Variants in GABRB2 observed in about 807,000 individuals in gnomAD.
GABRB2 encodes the protein gamma-aminobutyric acid receptor subunit beta-2.
In GABRB2, 16 loss-of-function variants were observed where a neutral mutation model predicts 54.7. The ratio of observed to expected loss-of-function variants is 0.29; its 90% CI spans 0.20 to 0.44. The LOEUF is 0.44. Ranked by LOEUF, GABRB2 falls within the 20% of genes least tolerant of loss-of-function variation. GABRB2 has a pLI of 1.00. For synonymous variants in GABRB2, 244 were observed against 233.8 expected (o/e 1.04, Z -0.40); for missense variants, 355 against 644.0 (o/e 0.55, Z 4.86).
At chr5:161,499,719 T>A (rs1184148182) in intron 3 of GABRB2, among the ~76,000 whole-genome samples, 1 of 152,194 alleles carries the variant, frequency 6.6e-6, no homozygotes, top group African/African-American at 2.4e-5. Context: ...CTGGATAGAC[T>A]GGATAAAATA....
intron 5 of GABRB2, among the ~76,000 whole-genome samples, chr5:161,405,047 T>C (rs1033141202): frequency 1.3e-5 from 2 of 152,124 alleles, no homozygotes; most frequent in Admixed American, 1.3e-4. Flanking sequence ...AAATTGCCTT[T>C]TGGCATCTTT....
chr5:161,534,426 T>C (rs573041824), intron 3 of GABRB2, among the ~76,000 whole-genome samples: 21 of 152,186 alleles, frequency 1.4e-4, no homozygotes, highest in Non-Finnish European at 2.5e-4. Context: ...AAAAATACTT[T>C]CTCTGACTTA....
At chr5:161,519,353 C>A (rs1238348353) in intron 3 of GABRB2, among the ~76,000 whole-genome samples, 2 of 152,152 alleles carry the variant, frequency 1.3e-5, no homozygotes, top group African/African-American at 2.4e-5. Flanking sequence ...TACATTAAGG[C>A]ATTACCCCTT....
chr5:161,505,559 A>C (rs1175046131), intron 3 of GABRB2, among the ~76,000 whole-genome samples: 1 of 152,224 alleles, frequency 6.6e-6, no homozygotes, highest in Non-Finnish European at 1.5e-5. Context: ...TATTTACAAA[A>C]AAATTAATAA....
intron 3 of GABRB2, among the ~76,000 whole-genome samples, chr5:161,499,577 A>G (rs1759363457): frequency 6.6e-6 from 1 of 152,234 alleles, no homozygotes; most frequent in Non-Finnish European, 1.5e-5. Context: ...CACCAATACC[A>G]TACTTGTTAA....
At chr5:161,360,673 T>C (rs917000710) in intron 5 of GABRB2, among the ~76,000 whole-genome samples, 1 of 152,160 alleles carries the variant, frequency 6.6e-6, no homozygotes, top group Non-Finnish European at 1.5e-5. Context: ...AATGAGAATA[T>C]GACCATTCTC....
At chr5:161,312,598 G>A (rs188968612) in intron 9 of GABRB2, among the ~76,000 whole-genome samples, 98 of 152,248 alleles carry the variant, frequency 6.4e-4, no homozygotes, top group Non-Finnish European at 1.1e-3. Context: ...GAATGAATAC[G>A]TTACTTTTCT....
At chr5:161,376,339 T>A (rs927625751) in intron 5 of GABRB2, among the ~76,000 whole-genome samples, 4 of 152,114 alleles carry the variant, frequency 2.6e-5, no homozygotes, top group African/African-American at 9.7e-5. Flanking sequence ...TGAATTAGAA[T>A]CAACCATGGT....
chr5:161,542,751 G>A (rs1001402005), intron 3 of GABRB2, among the ~76,000 whole-genome samples: 5 of 152,114 alleles, frequency 3.3e-5, no homozygotes, highest in Non-Finnish European at 7.3e-5. Context: ...GGATAATGAG[G>A]GATAAATGTG....
intron 3 of GABRB2, among the ~76,000 whole-genome samples, chr5:161,524,537 C>CTG (rs1450691848): frequency 2.0e-5 from 3 of 150,560 alleles, no homozygotes; most frequent in Non-Finnish European, 4.5e-5. Flanking sequence ...TAGCAAACAG[C>CTG]AAATACACCA....
intron 4 of GABRB2, among the ~76,000 whole-genome samples, chr5:161,417,816 T>C (rs1183894474): frequency 6.6e-6 from 1 of 152,190 alleles, no homozygotes; most frequent in Non-Finnish European, 1.5e-5. Flanking sequence ...TTCTATCCTC[T>C]TGATTTACCT....
At chr5:161,364,165 G>T (rs888421799) in intron 5 of GABRB2, among the ~76,000 whole-genome samples, 1 of 151,930 alleles carries the variant, frequency 6.6e-6, no homozygotes, top group Non-Finnish European at 1.5e-5. Context: ...CTGAATGGCA[G>T]ATACACAAAA....
intron 3 of GABRB2, among the ~76,000 whole-genome samples, chr5:161,461,580 A>G (rs1758119778): frequency 6.6e-6 from 1 of 152,350 alleles, no homozygotes; most frequent in East Asian, 1.9e-4. Flanking sequence ...TGAAGCATTT[A>G]TAAGTGACAT....
Position 161,541,042 on chromosome 5 carries a change from C to T in GABRB2, c.237+4185G>A, listed in dbSNP as rs146982039. Among the ~76,000 whole-genome samples the T allele has an allele frequency of 7.6e-3, 1,159 of 152,150 alleles. 16 individuals carry two copies. The highest frequency in any genetic ancestry group is 0.049 in the South Asian group (238 of 4,816). On this transcript the variant is annotated intron_variant, in intron 3 of 9. Coordinates refer to ENST00000393959, the MANE Select transcript of GABRB2 (RefSeq NM_001371727.1). ...TGTATTTTTTGTAGAGACAGGGTTT[C>T]ACCATGTTGCCTAGGCTGGTCTTGA...
intron 4 of GABRB2, among the ~76,000 whole-genome samples, chr5:161,446,605 G>A (rs1256653473): frequency 6.6e-6 from 1 of 152,034 alleles, no homozygotes; most frequent in Non-Finnish European, 1.5e-5. Context: ...GTGTATACTA[G>A]TACAACTTTG....
chr5:161,461,355 C>T (rs79431013), intron 3 of GABRB2, among the ~76,000 whole-genome samples: 4,314 of 152,204 alleles, frequency 0.028, 174 homozygotes, highest in East Asian at 0.17. Flanking sequence ...AGTGGGCTGG[C>T]TCCTGTAATG....
At position 161,490,005 on chromosome 5, in the gene GABRB2, A is replaced by G. The variant is rs1409618635; in HGVS notation, c.238-30161T>C. 2.0e-5 allele frequency among the ~76,000 whole-genome samples: 3 copies of G among 151,678 alleles called. No homozygotes were observed. The East Asian group carries it at 5.8e-4, about 29-fold the overall frequency. ...TTCTGTAGTTAAGTCAGAAAATCCA[A>G]TGTTTGTGCTGTAAGCATAGAAGCT... is the stretch of plus-strand genomic sequence containing the variant. On this transcript the variant is annotated intron_variant, in intron 3 of 9. Coordinates refer to ENST00000393959, the MANE Select transcript of GABRB2 (RefSeq NM_001371727.1).
intron 5 of GABRB2, among the ~76,000 whole-genome samples, chr5:161,344,235 C>T (rs918072723): frequency 1.3e-5 from 2 of 152,054 alleles, no homozygotes; most frequent in Non-Finnish European, 2.9e-5. Context: ...GGAAACATTG[C>T]TGATGCTGTC....
intron 5 of GABRB2, among the ~76,000 whole-genome samples, chr5:161,384,217 G>A (rs1755555515): frequency 1.3e-5 from 2 of 152,180 alleles, no homozygotes; most frequent in African/African-American, 4.8e-5. Context: ...TTCAAAAGAT[G>A]AGACACTTTA....
Sources: allele counts gnomAD v4.1 joint callset (sites outside exome capture counted in the v4.1 genomes callset), GRCh38; gene constraint gnomAD v4.1.1; transcripts MANE v1.5; gene names NCBI Gene and HGNC (gene_info 2026-07-23, HGNC 2026-07-21).